MACROD2: variants seen among roughly 807,000 people sequenced by gnomAD.
The protein encoded by MACROD2 is ADP-ribose glycohydrolase MACROD2.
A neutral mutation model predicts 70.4 loss-of-function variants in MACROD2; 36 were observed. The observed-to-expected ratio is 0.51, with a 90% CI of 0.39 to 0.68. The LOEUF is 0.68. MACROD2 is among the 30% of genes least tolerant of loss of function. The pLI is 0.00. For missense variants in MACROD2, 496 were observed against 538.4 expected (o/e 0.92, Z 0.78); for synonymous variants, 172 against 178.8 (o/e 0.96, Z 0.30).
chr20:15,474,388 C>G (rs1223257301), intron 7 of MACROD2, among the ~76,000 whole-genome samples: 1 of 152,172 alleles, frequency 6.6e-6, no homozygotes, highest in African/African-American at 2.4e-5. Flanking sequence ...CCACCTTGCA[C>G]AGCGTTGACA....
chr20:14,725,426 G>A (rs1189748018), intron 5 of MACROD2, among the ~76,000 whole-genome samples: 1 of 152,112 alleles, frequency 6.6e-6, no homozygotes, highest in East Asian at 1.9e-4. Context: ...TAGACATCAG[G>A]GAGAAGAGAA....
chr20:14,234,403 A>G (rs147008455), intron 3 of MACROD2, among the ~76,000 whole-genome samples: 65 of 152,236 alleles, frequency 4.3e-4, no homozygotes, highest in African/African-American at 1.4e-3. Flanking sequence ...TGGACTCTCA[A>G]TTGTTCTTGG....
At chr20:15,246,289 C>CTG (rs1204933003) in intron 6 of MACROD2, among the ~76,000 whole-genome samples, 1 of 151,992 alleles carries the variant, frequency 6.6e-6, no homozygotes, top group South Asian at 2.1e-4. Context: ...GTGTGTGTGT[C>CTG]TGTGTGTGTG....
chr20:14,615,657 T>C (rs1983437059), intron 4 of MACROD2, among the ~76,000 whole-genome samples: 1 of 152,198 alleles, frequency 6.6e-6, no homozygotes, highest in Non-Finnish European at 1.5e-5. Flanking sequence ...AGGCATAATT[T>C]GGTTGACTTT....
intron 3 of MACROD2, among the ~76,000 whole-genome samples, chr20:14,354,669 G>T (rs1421293158): frequency 6.6e-6 from 1 of 152,140 alleles, no homozygotes; most frequent in Admixed American, 6.5e-5. Context: ...TATATTGAAT[G>T]ATGCTGAGGT....
At chr20:15,478,720 A>T (rs1287426849) in intron 7 of MACROD2, among the ~76,000 whole-genome samples, 1 of 152,210 alleles carries the variant, frequency 6.6e-6, no homozygotes, top group African/African-American at 2.4e-5. Context: ...GTCACAGTAA[A>T]TAAGGGAGTT....
intron 4 of MACROD2, among the ~76,000 whole-genome samples, chr20:14,503,311 C>T (rs747633415): frequency 3.9e-5 from 6 of 152,246 alleles, no homozygotes; most frequent in Non-Finnish European, 7.4e-5. Flanking sequence ...CATGGGGACA[C>T]CTGACCCTGA....
chr20:15,180,832 A>G (rs1236817134), intron 5 of MACROD2, among the ~76,000 whole-genome samples: 1 of 152,252 alleles, frequency 6.6e-6, no homozygotes, highest in Non-Finnish European at 1.5e-5. Context: ...GGACAGCATC[A>G]TAAAATTAAG....
At chr20:14,370,007 T>C (rs1396126141) in intron 3 of MACROD2, among the ~76,000 whole-genome samples, 1 of 152,182 alleles carries the variant, frequency 6.6e-6, no homozygotes, top group Non-Finnish European at 1.5e-5. Flanking sequence ...TTTGTGATGT[T>C]AAAACAAATT....
intron 6 of MACROD2, among the ~76,000 whole-genome samples, chr20:15,293,555 A>G (rs1193580664): frequency 6.6e-6 from 1 of 152,222 alleles, no homozygotes; most frequent in Non-Finnish European, 1.5e-5. Context: ...CAAAGCAGAA[A>G]AAGTTTGCAT....
chr20:15,538,305 G>A (rs1449215740), intron 8 of MACROD2, among the ~76,000 whole-genome samples: 1 of 152,244 alleles, frequency 6.6e-6, no homozygotes, highest in East Asian at 1.9e-4. Flanking sequence ...GAAAGGAAGG[G>A]GATAGATTTT....
At chr20:15,388,720 T>G (rs1041705299) in intron 6 of MACROD2, among the ~76,000 whole-genome samples, 3 of 152,162 alleles carry the variant, frequency 2.0e-5, no homozygotes, top group African/African-American at 7.2e-5. Flanking sequence ...GTCAGGAGAT[T>G]CAGGTAGACA....
chr20:15,426,959 T>C (rs1440575942), intron 6 of MACROD2, among the ~76,000 whole-genome samples: 1 of 152,096 alleles, frequency 6.6e-6, no homozygotes, highest in Non-Finnish European at 1.5e-5. Context: ...GCTGCAAAAG[T>C]TGTTAGTTTG....
intron 2 of MACROD2, among the ~76,000 whole-genome samples, chr20:14,070,709 C>T (rs189795449): frequency 1.5e-3 from 223 of 152,234 alleles, no homozygotes; most frequent in Middle Eastern, 3.4e-3. Context: ...ACTGACAGCA[C>T]GCCCCTTCTG....
At chr20:15,117,332 CAT>C (rs1234382321) in intron 5 of MACROD2, among the ~76,000 whole-genome samples, 1 of 152,080 alleles carries the variant, frequency 6.6e-6, no homozygotes, top group African/African-American at 2.4e-5. Flanking sequence ...ATTAGAAAAA[CAT>C]AATTGAGATT....
chr20:15,292,179 TG>T (rs2146108762), intron 6 of MACROD2, among the ~76,000 whole-genome samples: 1 of 152,264 alleles, frequency 6.6e-6, no homozygotes, highest in South Asian at 2.1e-4. Flanking sequence ...CCTGGCCTTT[TG>T]TCATATTTCA....
chr20:15,351,388 G>GA (rs1400962334), intron 6 of MACROD2, among the ~76,000 whole-genome samples: 6 of 152,014 alleles, frequency 3.9e-5, no homozygotes, highest in African/African-American at 9.7e-5. Flanking sequence ...TTGTATAATA[G>GA]AAAAAAATAT....
intron 8 of MACROD2, among the ~76,000 whole-genome samples, chr20:15,856,425 T>C (rs2064357147): frequency 6.6e-6 from 1 of 152,206 alleles, no homozygotes; most frequent in African/African-American, 2.4e-5. Flanking sequence ...TATAGAGTGC[T>C]TTGCAAAACC....
At chr20:16,025,201 A>T (rs1396178345) in intron 15 of MACROD2, among the ~76,000 whole-genome samples, 1 of 152,206 alleles carries the variant, frequency 6.6e-6, no homozygotes, top group Non-Finnish European at 1.5e-5. Context: ...AAATGTCAGT[A>T]GCTAAAGCAG....
Sources: gnomAD v4.1 joint callset for allele counts (sites outside exome capture counted in the v4.1 genomes callset) on GRCh38, gnomAD v4.1.1 for gene constraint, MANE v1.5 for transcripts, NCBI Gene and HGNC (gene_info 2026-07-23, HGNC 2026-07-21) for gene names.